The following SETD5 variants were observed in gnomAD, a reference collection of about 807,000 sequenced individuals.
SETD5 encodes histone-lysine N-methyltransferase SETD5.
In SETD5, 44 loss-of-function variants were observed where a neutral mutation model predicts 153.3. That is an observed-to-expected ratio of 0.29 (90% CI 0.23 to 0.37). The LOEUF (loss-of-function observed/expected upper bound fraction) is 0.37, where lower values mean the gene tolerates loss of function less well. SETD5 is among the 10% of genes least tolerant of loss of function. The pLI, the probability that SETD5 is intolerant of heterozygous loss-of-function variation, is 1.00. For synonymous variants in SETD5, 716 were observed against 645.2 expected (o/e 1.11, Z -1.66); for missense variants, 1,544 against 1,768.0 (o/e 0.87, Z 2.27).
rs768054540 is a variant in SETD5 at position 9,445,601 on chromosome 3, CAG to C, written c.1441-54_1441-53del. 47 of 1,469,624 alleles carry C rather than the reference CAG, an allele frequency of 3.2e-5. No homozygotes were observed. In the African/African-American group the frequency reaches 6.4e-4, roughly 20 times the overall value. 91.0% of individuals were successfully genotyped at this position (1,469,624 alleles called of 1,614,324 possible). Reference sequence around the variant, plus strand: ...AGAGTTTTAAGCTACCAGAATAAAACAGATTGATTTTTTCTCAGAGCTTGAGT... The same window carrying C: ...AGAGTTTTAAGCTACCAGAATAAAACATTGATTTTTTCTCAGAGCTTGAGT... On this transcript the variant is annotated intron_variant, in intron 12 of 22. Coordinates refer to ENST00000402198, the MANE Select transcript of SETD5 (RefSeq NM_001080517.3).
At position 9,440,087 on chromosome 3, in the gene SETD5, G is replaced by A. The variant is rs377246230; in HGVS notation, c.568-369G>A. Among the ~76,000 whole-genome samples, 208 of 152,300 alleles carry A rather than the reference G, an allele frequency of 1.4e-3. 5 individuals are homozygous for A. In the East Asian group the frequency reaches 0.025, roughly 18 times the overall value. ...CAGTGATAAATTTGAGGTCTCTACT[G>A]TTCATTTGTATGAAGATTTTCTTAT... is the stretch of plus-strand genomic sequence containing the variant. On this transcript the variant is annotated intron_variant, in intron 7 of 22. Transcript: ENST00000402198.
chr3:9,413,506 TTTC>T (rs1369209586), intron 1 of SETD5, among the ~76,000 whole-genome samples: 1 of 152,178 alleles, frequency 6.6e-6, no homozygotes, highest in African/African-American at 2.4e-5. Flanking sequence ...TTTGATCTTT[TTTC>T]TCTAGGATTC....
chr3:9,426,465 C>T (rs1440541692), intron 2 of SETD5, among the ~76,000 whole-genome samples: 3 of 150,912 alleles, frequency 2.0e-5, no homozygotes, highest in Non-Finnish European at 3.0e-5. Context: ...GGCGTGATCT[C>T]GGCTCACTGC....
In SETD5 at chr3:9,475,662, C is replaced by T; in HGVS notation, c.3900C>T (p.Ser1300=). Residue 1300 remains serine, a synonymous_variant, in exon 23 of 23, where the codon TCC becomes TCT. Coordinates refer to ENST00000402198, the MANE Select transcript of SETD5 (RefSeq NM_001080517.3). Reference sequence around the variant, plus strand: ...CATCCCTCTCTTCCACGTCCTATTCCAGCCCCGCCCACCCTGTGTCCACAG... The same window carrying T: ...CATCCCTCTCTTCCACGTCCTATTCTAGCCCCGCCCACCCTGTGTCCACAG... ...SESSLSSTSY[S]SPAHPVSTDS... 1 of 1,614,012 alleles carries T rather than the reference C, an allele frequency of 6.2e-7. No individual in the cohort carries two copies. Among genetic ancestry groups the T allele is most frequent in the South Asian group, 1.1e-5 (1 of 91,080 alleles).
At chr3:9,461,590 A>T (rs1246444657) in intron 17 of SETD5, among the ~76,000 whole-genome samples, 1 of 152,206 alleles carries the variant, frequency 6.6e-6, no homozygotes, top group Non-Finnish European at 1.5e-5. Context: ...AAAGAGAAAA[A>T]GTAGGCAAAT....
At chr3:9,408,819 T>G (rs1002865755) in intron 1 of SETD5, among the ~76,000 whole-genome samples, 1 of 152,194 alleles carries the variant, frequency 6.6e-6, no homozygotes, top group African/African-American at 2.4e-5. Context: ...GTGTGAATTA[T>G]GTCAAGATTT....
In SETD5 at chr3:9,477,843, C is replaced by T. The variant is rs1423202196; in HGVS notation, c.*1752C>T. On this transcript the variant is annotated 3_prime_UTR_variant, in exon 23 of 23. Transcript: ENST00000402198. ...TATTATATAAAACGTATGTAAATGTCTCTCCATTTGGGCTGGGGTTTGCAT... is the reference window on the plus strand; with the variant it reads ...TATTATATAAAACGTATGTAAATGTTTCTCCATTTGGGCTGGGGTTTGCAT... The T allele has an allele frequency of 2.0e-5, 3 of 152,332 alleles. No homozygotes were observed. Among genetic ancestry groups the T allele is most frequent in the African/African-American group, 4.8e-5 (2 of 41,322 alleles). 9.4% of individuals were successfully genotyped at this position (152,332 alleles called of 1,614,324 possible).
chr3:9,451,034 T>G (rs1304263462), intron 16 of SETD5, among the ~76,000 whole-genome samples: 1 of 152,172 alleles, frequency 6.6e-6, no homozygotes, highest in Admixed American at 6.5e-5. Flanking sequence ...TTTAAAAACA[T>G]TTATAAGTGG....
chr3:9,474,144 TA>T (rs1197763762), intron 20 of SETD5, among the ~76,000 whole-genome samples: 8 of 152,198 alleles, frequency 5.3e-5, no homozygotes, highest in African/African-American at 1.7e-4. Context: ...ATTAAACCAG[TA>T]CTGTGTATCA....
Position 9,441,574 on chromosome 3 carries a change from T to C in SETD5, c.811-19T>C, listed in dbSNP as rs369964296. ...GTGTTCTTGCTGTTGTTTAATGTTA[T>C]TGCTCTGGTTTTATTCAGTTACAGC... On this transcript the variant is annotated intron_variant, in intron 8 of 22. Coordinates refer to ENST00000402198, the MANE Select transcript of SETD5 (RefSeq NM_001080517.3). 4 of 1,612,696 alleles carry C rather than the reference T, an allele frequency of 2.5e-6. No individual in the cohort carries two copies. The highest frequency in any genetic ancestry group is 3.4e-6 in the Non-Finnish European group (4 of 1,178,908).
intron 1 of SETD5, among the ~76,000 whole-genome samples, chr3:9,410,832 A>G (rs1028898257): frequency 5.3e-5 from 8 of 152,020 alleles, no homozygotes; most frequent in African/African-American, 1.7e-4. Flanking sequence ...TTCTTGGCTT[A>G]ATACAAGCAG....
Position 9,440,639 on chromosome 3 carries a change from G to A in SETD5, c.751G>A (p.Asp251Asn). The A allele has an allele frequency of 2.5e-6, 4 of 1,613,854 alleles. No homozygotes were observed. The highest frequency in any genetic ancestry group is 3.4e-6 in the Non-Finnish European group (4 of 1,179,824). The part of the protein sequence containing the change: ...KEFVGKPTIL[D>N]TINKTELACN... ...ATTTGTGGGCAAACCTACTATTTTA[G>A]ACACTATTAATAAGACTGAATTGGC... Residue 251 changes from aspartate to asparagine, a missense_variant, in exon 8 of 23, where the codon GAC becomes AAC. Physicochemically the swap from Asp to Asn is conservative, Grantham distance 23. This residue lies in a region of SETD5 where 251 missense variants were observed against 326.9 expected (regional missense o/e 0.77). Transcript: ENST00000402198.
chr3:9,410,881 TTTTTTTTC>T (rs1447011615), intron 1 of SETD5, among the ~76,000 whole-genome samples: 7 of 150,476 alleles, frequency 4.7e-5, no homozygotes, highest in African/African-American at 1.5e-4. Flanking sequence ...AATTCTCTTT[TTTTTTTTC>T]TTTTTTTTCT....
intron 11 of SETD5, among the ~76,000 whole-genome samples, chr3:9,444,434 C>A (rs554172296): frequency 6.6e-6 from 1 of 152,040 alleles, no homozygotes; most frequent in Non-Finnish European, 1.5e-5. Flanking sequence ...ACATGGTAAT[C>A]GTGGGCACAA....
Position 9,435,754 on chromosome 3 carries a change from T to G in SETD5, c.415T>G (p.Trp139Gly), listed in dbSNP as rs2125111006. 2 of 1,600,692 alleles carry G rather than the reference T, an allele frequency of 1.2e-6. No homozygotes were observed. The highest frequency in any genetic ancestry group is 1.7e-6 in the Non-Finnish European group (2 of 1,174,382). The change falls in exon 7 of 23, where the codon TGG becomes GGG. Residue 139 changes from tryptophan to glycine, a missense_variant. By Grantham distance (184) the Trp-to-Gly change is radical. Around this residue, in one of 9 missense-constraint regions of SETD5, gnomAD observed 251 missense variants for 326.9 expected, o/e 0.77. Coordinates refer to ENST00000402198, the MANE Select transcript of SETD5 (RefSeq NM_001080517.3). ...TGGGGATAGCAGTGCAACAGAAAGC[T>G]GGGATGAGGAGCTTTCTCCTTCCAC... ...SGGDSSATES[W>G]DEELSPSTVL...
At chr3:9,433,453 A>T (rs762407652) in intron 3 of SETD5, 7 of 1,289,752 alleles carry the variant, frequency 5.4e-6, no homozygotes, top group African/African-American at 1.5e-5. Context: ...ACTCACTGCA[A>T]ATGTCATGTG....
At chr3:9,471,897 T>C (rs2045343794) in intron 19 of SETD5, among the ~76,000 whole-genome samples, 1 of 152,204 alleles carries the variant, frequency 6.6e-6, no homozygotes. Flanking sequence ...ATTTTCATTA[T>C]AATGATATTA....
At chr3:9,419,111 G>A (rs1453565304) in intron 1 of SETD5, among the ~76,000 whole-genome samples, 2 of 152,152 alleles carry the variant, frequency 1.3e-5, no homozygotes, top group Non-Finnish European at 2.9e-5. Flanking sequence ...GCAGGCATGA[G>A]CCACCACACC....
chr3:9,417,400 G>GTA (rs2037627198), intron 1 of SETD5, among the ~76,000 whole-genome samples: 1 of 152,096 alleles, frequency 6.6e-6, no homozygotes, highest in African/African-American at 2.4e-5. Context: ...TCATAATGGA[G>GTA]TATACCAAGT....
Sources: gnomAD v4.1 joint callset for allele counts (sites outside exome capture counted in the v4.1 genomes callset) on GRCh38, gnomAD v4.1.1 for gene constraint, gnomAD v4.1.1 regional missense constraint, MANE v1.5 for transcripts, NCBI Gene and HGNC (gene_info 2026-07-23, HGNC 2026-07-21) for gene names.